Variants in NFIL3 observed in about 807,000 individuals in gnomAD.
The protein encoded by NFIL3 is nuclear factor, interleukin 3 regulated.
In NFIL3, 5 loss-of-function variants were observed where a neutral mutation model predicts 10.0. The ratio of observed to expected loss-of-function variants is 0.50; its 90% CI spans 0.26 to 1.06. The LOEUF is 1.06. Ranked by LOEUF, NFIL3 falls within the 50% of genes least tolerant of loss-of-function variation. NFIL3 has a pLI of 0.13. For missense variants in NFIL3, 436 were observed against 547.6 expected (o/e 0.80, Z 2.03); for synonymous variants, 202 against 206.5 (o/e 0.98, Z 0.19).
chr9:91,447,763 TC>T, the NFIL3 span, among the ~76,000 whole-genome samples: 2 of 152,342 alleles, frequency 1.3e-5, no homozygotes, highest in African/African-American at 4.8e-5. Flanking sequence ...TTGCAAATAT[TC>T]TTTTTACCAT....
chr9:91,456,274 G>C, the NFIL3 span, among the ~76,000 whole-genome samples: 1 of 152,118 alleles, frequency 6.6e-6, no homozygotes, highest in Non-Finnish European at 1.5e-5. Flanking sequence ...TCACATTGTA[G>C]GTTAATGGTT....
At chr9:91,432,677 G>C in the NFIL3 span, among the ~76,000 whole-genome samples, 1 of 151,538 alleles carries the variant, frequency 6.6e-6, no homozygotes, top group African/African-American at 2.4e-5. Flanking sequence ...TTTTTTGCCA[G>C]ATCTTAATTC....
chr9:91,419,646 C>G (rs2118016921), intron 1 of NFIL3, among the ~76,000 whole-genome samples: 1 of 152,354 alleles, frequency 6.6e-6, no homozygotes, highest in African/African-American at 2.4e-5. Flanking sequence ...ATTTCCTCAT[C>G]TATGAAATGT....
At chr9:91,445,635 C>A in the NFIL3 span, among the ~76,000 whole-genome samples, 3 of 152,108 alleles carry the variant, frequency 2.0e-5, no homozygotes, top group African/African-American at 7.2e-5. Flanking sequence ...GGGTGGGGTG[C>A]AGCATTGGCT....
chr9:91,415,432 T>C (rs1290427057), intron 1 of NFIL3, among the ~76,000 whole-genome samples: 1 of 152,192 alleles, frequency 6.6e-6, no homozygotes, highest in East Asian at 1.9e-4. Flanking sequence ...CATAGCTAAA[T>C]GGCAGAGCGT....
At chr9:91,412,575 G>A (rs1228998384) in intron 1 of NFIL3, among the ~76,000 whole-genome samples, 1 of 152,154 alleles carries the variant, frequency 6.6e-6, no homozygotes, top group Admixed American at 6.5e-5. Context: ...CAGGTGTGGT[G>A]GCTCATGCCT....
the NFIL3 span, among the ~76,000 whole-genome samples, chr9:91,475,735 A>G: frequency 2.6e-5 from 4 of 152,232 alleles, no homozygotes; most frequent in African/African-American, 7.2e-5. Context: ...TGGAAATGAG[A>G]AAGGCCATAT....
chr9:91,414,376 T>C (rs1461759435), intron 1 of NFIL3, among the ~76,000 whole-genome samples: 4 of 152,188 alleles, frequency 2.6e-5, no homozygotes, highest in African/African-American at 9.7e-5. Flanking sequence ...GCTACTTTTG[T>C]ATTTTTAGTA....
At chr9:91,453,434 C>T in the NFIL3 span, among the ~76,000 whole-genome samples, 1 of 152,006 alleles carries the variant, frequency 6.6e-6, no homozygotes, top group East Asian at 1.9e-4. Flanking sequence ...TAGGTTTTAC[C>T]TCATAAGCCT....
the NFIL3 span, among the ~76,000 whole-genome samples, chr9:91,433,610 C>G: frequency 6.6e-6 from 1 of 152,226 alleles, no homozygotes; most frequent in Non-Finnish European, 1.5e-5. Flanking sequence ...CTATAGCACC[C>G]ATTTGACCAT....
At chr9:91,436,536 C>T in the NFIL3 span, among the ~76,000 whole-genome samples, 1 of 151,980 alleles carries the variant, frequency 6.6e-6, no homozygotes, top group Non-Finnish European at 1.5e-5. Context: ...CGAGATGGCG[C>T]CACTGCACTC....
chr9:91,440,832 G>A, the NFIL3 span, among the ~76,000 whole-genome samples: 1 of 152,006 alleles, frequency 6.6e-6, no homozygotes, highest in Admixed American at 6.5e-5. Flanking sequence ...TTCTGTTATT[G>A]ATTCCTGGTT....
At chr9:91,470,487 A>AT in the NFIL3 span, among the ~76,000 whole-genome samples, 4 of 150,658 alleles carry the variant, frequency 2.7e-5, no homozygotes, top group South Asian at 2.1e-4. Flanking sequence ...GGATTCATTG[A>AT]TTTTTTGAAG....
At chr9:91,415,106 T>C (rs1833628157) in intron 1 of NFIL3, among the ~76,000 whole-genome samples, 1 of 152,018 alleles carries the variant, frequency 6.6e-6, no homozygotes, top group Admixed American at 6.6e-5. Flanking sequence ...AAGGGGAGAC[T>C]AGGGGCACAT....
At chr9:91,420,352 T>TACTC (rs1554727360) in intron 1 of NFIL3, among the ~76,000 whole-genome samples, 8,119 of 144,476 alleles carry the variant, frequency 0.056, 286 homozygotes, top group Admixed American at 0.08. Context: ...TGAAGGTAAA[T>TACTC]ACACACACAC....
At chr9:91,471,661 C>T in the NFIL3 span, among the ~76,000 whole-genome samples, 2 of 151,956 alleles carry the variant, frequency 1.3e-5, no homozygotes, top group Non-Finnish European at 2.9e-5. Context: ...TATCCCTCCC[C>T]CCAAGTCTGT....
At chr9:91,471,493 T>A in the NFIL3 span, among the ~76,000 whole-genome samples, 1 of 151,326 alleles carries the variant, frequency 6.6e-6, no homozygotes, top group Non-Finnish European at 1.5e-5. Context: ...TGTCTTTTTT[T>A]TTTTTTTTTA....
At chr9:91,478,288 A>G in the NFIL3 span, among the ~76,000 whole-genome samples, 5 of 152,222 alleles carry the variant, frequency 3.3e-5, no homozygotes, top group African/African-American at 1.2e-4. Context: ...AGGTACACCA[A>G]TCAGACACAG....
At chr9:91,465,288 AT>A in the NFIL3 span, among the ~76,000 whole-genome samples, 29 of 152,268 alleles carry the variant, frequency 1.9e-4, no homozygotes, top group Non-Finnish European at 3.5e-4. Flanking sequence ...TTTAAAAAAA[AT>A]ATTTCTTCTC....
Sources: gnomAD v4.1 joint callset for allele counts (sites outside exome capture counted in the v4.1 genomes callset) on GRCh38, gnomAD v4.1.1 for gene constraint, MANE v1.5 for transcripts, NCBI Gene and HGNC (gene_info 2026-07-23, HGNC 2026-07-21) for gene names.